PRMT8: variants seen among roughly 807,000 people sequenced by gnomAD.
PRMT8 encodes protein arginine N-methyltransferase 8.
PRMT8 carries 7 observed loss-of-function variants against 47.1 expected under a neutral mutation model. That is an observed-to-expected ratio of 0.15 (90% confidence interval 0.08 to 0.28). PRMT8 has a LOEUF of 0.28. PRMT8 is among the 10% of genes least tolerant of loss of function. The probability of loss-of-function intolerance (pLI) is 1.00; values close to 1 mark genes in which losing one functional copy is unlikely to be tolerated. For missense variants in PRMT8, 237 were observed against 505.4 expected, an observed-to-expected ratio of 0.47 and a Z score of 5.09; for synonymous variants, 188 against 186.5, an observed-to-expected ratio of 1.01 and a Z score of -0.07.
At position 3,569,518 on chromosome 12, in the gene PRMT8, C is replaced by T. The variant is rs763610227; in HGVS notation, c.666C>T (p.Tyr222=). 23 of 1,614,054 alleles carry T rather than the reference C, an allele frequency of 1.4e-5. No homozygotes were observed. Among genetic ancestry groups the T allele is most frequent in the South Asian group, 5.5e-5 (5 of 91,084 alleles). The change falls in exon 6 of 10, where the codon TAC becomes TAT. Residue 222 remains tyrosine, a synonymous_variant. Transcript: ENST00000382622. This position sits in a 1 kb window ranked among gnomAD's most constrained non-coding sequence, Gnocchi z 8.2. ...GLMFPDRAAL[Y]VVAIEDRQYK... ...TGTTTCCAGACCGGGCAGCTTTGTA[C>T]GTGGTAGCGATTGAAGACAGACAGT...
At chr12:3,418,343 G>A (rs1050531715) in intron 1 of PRMT8, among the ~76,000 whole-genome samples, 2 of 152,206 alleles carry the variant, frequency 1.3e-5, no homozygotes, top group African/African-American at 2.4e-5. Flanking sequence ...TTTTAGAGGC[G>A]GTTTTTTTGC....
chr12:3,411,831 A>G (rs528576028), intron 1 of PRMT8, among the ~76,000 whole-genome samples: 36 of 152,232 alleles, frequency 2.4e-4, no homozygotes, highest in Non-Finnish European at 4.7e-4. Flanking sequence ...CAGAACCTTC[A>G]TGTTAGACTT....
rs1866170265 is a variant in PRMT8 at position 3,538,901 on chromosome 12, T to C, written c.76-1705T>C. Among the ~76,000 whole-genome samples the C allele has an allele frequency of 6.6e-6, 1 of 152,204 alleles. No homozygotes were observed. ...GATGTTGCTAAACTGGGAAGTCTGC[T>C]TATTTCCCAAGGGCGGTAGCCTAGG... On this transcript the variant is annotated intron_variant, in intron 1 of 9. Transcript: ENST00000382622. This position sits in a 1 kb window ranked among gnomAD's most constrained non-coding sequence, Gnocchi z 4.6.
At chr12:3,491,886 GTGTT>G (rs1168896011) in intron 1 of PRMT8, among the ~76,000 whole-genome samples, 186 bp downstream of exon 1, 171 of 80,218 alleles carry the variant, frequency 2.1e-3, no homozygotes, top group Non-Finnish European at 2.8e-3. Context: ...GTGTGTGTGT[GTGTT>G]GGTGGGGGGT....
chr12:3,545,236 AT>A (rs1423046341), intron 2 of PRMT8, among the ~76,000 whole-genome samples: 2 of 152,222 alleles, frequency 1.3e-5, no homozygotes, highest in African/African-American at 4.8e-5. Flanking sequence ...CAGTGGAGGT[AT>A]GATCTGAATG....
chr12:3,422,762 A>G (rs1864557722), intron 1 of PRMT8, among the ~76,000 whole-genome samples: 1 of 152,198 alleles, frequency 6.6e-6, no homozygotes, highest in South Asian at 2.1e-4. Context: ...TGTGGATTCC[A>G]TTTCTGCCTT....
intron 8 of PRMT8, among the ~76,000 whole-genome samples, chr12:3,590,485 G>A (rs916742189): frequency 3.3e-5 from 5 of 152,132 alleles, no homozygotes; most frequent in Admixed American, 3.3e-4. Flanking sequence ...TTAAAAATCT[G>A]CCTTCTAATC....
rs571723711 is a variant in PRMT8, at chr12:3,453,549, G to A, written c.48+72107G>A. ...CTGCTTTCTCCTGGGGAAGCCAGACGCTGCATTCCGCATGCCATCGTGACC... is the reference window on the plus strand; with the variant it reads ...CTGCTTTCTCCTGGGGAAGCCAGACACTGCATTCCGCATGCCATCGTGACC... On this transcript the variant is annotated intron_variant, in intron 1 of 9. Coordinates refer to the PRMT8 transcript ENST00000452611. This position sits in a 1 kb window ranked among gnomAD's most constrained non-coding sequence, Gnocchi z 4.9. Among the ~76,000 whole-genome samples, 11 of 152,318 alleles carry A rather than the reference G, an allele frequency of 7.2e-5. No individual in the cohort carries two copies. The highest frequency in any genetic ancestry group is 4.4e-5 in the Non-Finnish European group (3 of 68,022).
chr12:3,496,214 A>ATATATATATATATATATTTTTTTTTTTT, intron 1 of PRMT8, among the ~76,000 whole-genome samples: 1 of 27,774 alleles, frequency 3.6e-5, no homozygotes, highest in African/African-American at 8.8e-5. Context: ...ATATATATAT[A>ATATATATATATATATATTTTTTTTTTTT]TTTTTTTTTT....
At chr12:3,465,046 C>T (rs35726515) in intron 1 of PRMT8, among the ~76,000 whole-genome samples, 6,905 of 149,780 alleles carry the variant, frequency 0.046, 237 homozygotes, top group Non-Finnish European at 0.067. Flanking sequence ...ACCCAGGAGG[C>T]GGAGGTTGCA....
rs1406334683 is a variant in PRMT8, at chr12:3,456,999, T to A, written c.48+75557T>A. Among the ~76,000 whole-genome samples the A allele has an allele frequency of 6.6e-6, 1 of 152,156 alleles. No individual in the cohort carries two copies. The highest frequency in any genetic ancestry group is 2.4e-5 in the African/African-American group (1 of 41,414). ...CATGGCAACTGTAAGGCTGGAGAAATAGAGTTCCAGCGCCACCACTGGGAC... is the reference window on the plus strand; with the variant it reads ...CATGGCAACTGTAAGGCTGGAGAAAAAGAGTTCCAGCGCCACCACTGGGAC... On this transcript the variant is annotated intron_variant, in intron 1 of 9. Coordinates refer to the PRMT8 transcript ENST00000452611. The surrounding 1 kb of genome is among the most constrained non-coding windows in gnomAD (Gnocchi z 4.2).
chr12:3,518,579 C>T (rs1241192305), intron 1 of PRMT8, among the ~76,000 whole-genome samples: 27 of 152,162 alleles, frequency 1.8e-4, no homozygotes, highest in Admixed American at 1.4e-3. Context: ...TTGGGAAAAA[C>T]GGCATCCTCC....
intron 1 of PRMT8, among the ~76,000 whole-genome samples, chr12:3,523,677 A>G (rs1009466878): frequency 1.3e-5 from 2 of 152,254 alleles, no homozygotes; most frequent in African/African-American, 2.4e-5. Context: ...CCTCAGGCAC[A>G]GGGTAGTTCT....
chr12:3,432,665 G>A (rs1243683882), intron 1 of PRMT8, among the ~76,000 whole-genome samples: 1 of 152,206 alleles, frequency 6.6e-6, no homozygotes, highest in Non-Finnish European at 1.5e-5. Flanking sequence ...GCAGGTCTCG[G>A]TGCCTGCCTG....
intron 1 of PRMT8, among the ~76,000 whole-genome samples, chr12:3,420,980 C>A (rs1330163631): frequency 6.6e-6 from 1 of 152,166 alleles, no homozygotes; most frequent in Non-Finnish European, 1.5e-5. Context: ...CGAGCTGGAA[C>A]CTGAGTCAAA....
At chr12:3,398,042 G>T (rs2137049384) in intron 1 of PRMT8, among the ~76,000 whole-genome samples, 1 of 152,340 alleles carries the variant, frequency 6.6e-6, no homozygotes, top group East Asian at 1.9e-4. Flanking sequence ...TCCCGAGGAG[G>T]CAATGCCTCG....
At position 3,456,769 on chromosome 12, in the gene PRMT8, A is replaced by G. The variant is rs1450075903; in HGVS notation, c.48+75327A>G. On this transcript the variant is annotated intron_variant, in intron 1 of 9. Transcript: ENST00000452611. This position sits in a 1 kb window ranked among gnomAD's most constrained non-coding sequence, Gnocchi z 4.2. ...GCAGCCACCGTTTCTTACACCCTTG[A>G]CTAAGATTGAACAAGAAAAAAAAAA... 1.3e-5 allele frequency among the ~76,000 whole-genome samples: 2 copies of G among 152,176 alleles called. No individual in the cohort carries two copies. Among genetic ancestry groups the G allele is most frequent in the Non-Finnish European group, 2.9e-5 (2 of 68,042 alleles).
intron 1 of PRMT8, among the ~76,000 whole-genome samples, chr12:3,425,279 T>C (rs1295210348): frequency 6.6e-6 from 1 of 152,230 alleles, no homozygotes; most frequent in East Asian, 1.9e-4. Context: ...GGTCTTTATG[T>C]TTAGGTTTTG....
Position 3,469,063 on chromosome 12 carries a change from A to G in PRMT8, c.49-71543A>G, listed in dbSNP as rs373735740. 2.9e-5 allele frequency: 13 copies of G among 454,878 alleles called. 1 individual carries two copies. Among genetic ancestry groups the G allele is most frequent in the East Asian group, 5.9e-5 (1 of 16,984 alleles). The allele number at this position is 454,878 out of a possible 1,614,324, so 28.2% of individuals were successfully genotyped here. The stretch of plus-strand genomic sequence containing the variant: ...TGCCTGACAACAAGGCCATTAAGAA[A>G]TTCATCATTTGAAACACAGTGGAGG... On this transcript the variant is annotated intron_variant, in intron 1 of 9. Coordinates refer to the PRMT8 transcript ENST00000452611.
Sources: allele counts gnomAD v4.1 joint callset (sites outside exome capture counted in the v4.1 genomes callset), GRCh38; gene constraint gnomAD v4.1.1; non-coding constraint Gnocchi (gnomAD v3.1); transcripts MANE v1.5; gene names NCBI Gene and HGNC (gene_info 2026-07-23, HGNC 2026-07-21).